KCNH6: variants seen among roughly 807,000 people sequenced by gnomAD.
KCNH6 encodes voltage-gated inwardly rectifying potassium channel KCNH6.
In KCNH6, 81 loss-of-function variants were observed where a neutral mutation model predicts 83.4. The ratio of observed to expected loss-of-function variants is 0.97; its 90% CI spans 0.81 to 1.17. The LOEUF (loss-of-function observed/expected upper bound fraction) is 1.17. Ranked by LOEUF, KCNH6 falls within the 50% of genes most tolerant of loss-of-function variation. KCNH6 has a pLI of 0.00. For synonymous variants in KCNH6, 503 were observed against 545.6 expected (o/e 0.92, Z 1.09); for missense variants, 1,203 against 1,290.5 (o/e 0.93, Z 1.04).
downstream of KCNH6, among the ~76,000 whole-genome samples, chr17:63,548,137 G>T (rs1240643031): frequency 3.3e-5 from 5 of 152,002 alleles, no homozygotes; most frequent in Non-Finnish European, 5.9e-5. Context: ...GTGGTGGCAG[G>T]TGCCTGTAGT....
At chr17:63,545,418 T>C (rs1381174791) in intron 12 of KCNH6, among the ~76,000 whole-genome samples, 154 bp downstream of exon 12, 1 of 152,228 alleles carries the variant, frequency 6.6e-6, no homozygotes, top group Non-Finnish European at 1.5e-5. Context: ...AGAGTCATGA[T>C]AGGGTTAGCC....
chr17:63,537,815 C>A (rs2032593660), intron 6 of KCNH6, among the ~76,000 whole-genome samples: 1 of 152,212 alleles, frequency 6.6e-6, no homozygotes, highest in Non-Finnish European at 1.5e-5. Context: ...TGCCTTCCTT[C>A]TTTCTTCTCG....
Position 63,534,386 on chromosome 17 carries a change from G to A in KCNH6, c.1101+75G>A. ...GGCCTCAAGCCCTCCCTGCTGCACA[G>A]CACTGGGTGCGGAGAGTATCTGGCA... On this transcript the variant is annotated intron_variant, in intron 5 of 12. Transcript: ENST00000314672. The surrounding 1 kb of genome is among the most constrained non-coding windows in gnomAD (Gnocchi z 5.0). 4 of 1,411,282 alleles carry A rather than the reference G, an allele frequency of 2.8e-6. No homozygotes were observed. The highest frequency in any genetic ancestry group is 2.3e-5 in the East Asian group (1 of 43,716). 87.4% of individuals were successfully genotyped at this position (1,411,282 alleles called of 1,614,324 possible). A position where few individuals can be genotyped will look rare whatever the true frequency, so the allele number is the denominator to read the frequency against.
chr17:63,544,469 C>T, intron 11 of KCNH6, 58 bp downstream of exon 11: 1 of 1,404,622 alleles, frequency 7.1e-7, no homozygotes. Context: ...CCTAGTGGCT[C>T]AGACACATCA....
intron 12 of KCNH6, 136 bp from the exon 13 acceptor site, chr17:63,545,473 C>A (rs1317850206): frequency 3.0e-6 from 3 of 1,013,430 alleles, no homozygotes; most frequent in Non-Finnish European, 4.3e-6. Flanking sequence ...CCAGAGCCTG[C>A]AGCTGGGGCC....
chr17:63,535,662 C>A lies in KCNH6; in HGVS notation c.1102-7C>A. ...CCAGCCCTGTGACCATTTCCCTACC[C>A]CTCCAGACCACAACCCTGATTGGGC... On this transcript the variant is annotated splice_polypyrimidine_tract_variant and splice_region_variant and intron_variant, in intron 5 of 12. Transcript: ENST00000314672. This position sits in a 1 kb window ranked among gnomAD's most constrained non-coding sequence, Gnocchi z 4.9. 1.3e-6 allele frequency: 2 copies of A among 1,590,908 alleles called. No individual in the cohort carries two copies. The highest frequency in any genetic ancestry group is 8.6e-7 in the Non-Finnish European group (1 of 1,165,118).
rs2032243133 is a variant in KCNH6, at chr17:63,533,281, T to C, written c.676-605T>C. ...CCTTGGAGATGTGGGGAGGAGTCAGTTTTCCTTGGTGCCCAGGACCCGTTG... is the reference window on the plus strand; with the variant it reads ...CCTTGGAGATGTGGGGAGGAGTCAGCTTTCCTTGGTGCCCAGGACCCGTTG... On this transcript the variant is annotated intron_variant, in intron 4 of 12. Coordinates refer to ENST00000314672, the MANE Select transcript of KCNH6 (RefSeq NM_001278919.2). The surrounding 1 kb of genome is among the most constrained non-coding windows in gnomAD (Gnocchi z 4.1). 6.6e-6 allele frequency among the ~76,000 whole-genome samples: 1 copy of C among 151,980 alleles called. No individual in the cohort carries two copies. Among genetic ancestry groups the C allele is most frequent in the Non-Finnish European group, 1.5e-5 (1 of 67,954 alleles).
rs541796870 is a variant in KCNH6, at chr17:63,545,893, G to C, written c.2868G>C (p.Trp956Cys). Residue 956 changes from tryptophan to cysteine, a missense_variant, in exon 13 of 13, where the codon TGG (tryptophan) becomes TGC (cysteine). By Grantham distance (215) the Trp-to-Cys change is radical. Transcript: ENST00000314672. ...CAGATCCTGGATTTGCAGGGAGTTGGGGCCACTGAACTCCAAGATAAAGAC... is the reference window on the plus strand; with the variant it reads ...CAGATCCTGGATTTGCAGGGAGTTGCGGCCACTGAACTCCAAGATAAAGAC... ...HGSDPGFAGSWGH is the reference protein window; with the variant it reads ...HGSDPGFAGSCGH 46 of 1,613,710 alleles carry C rather than the reference G, an allele frequency of 2.9e-5. No homozygotes were observed. In the South Asian group the frequency reaches 4.8e-4, roughly 17 times the overall value.
chr17:63,524,456 C>A, intron 2 of KCNH6, 87 bp downstream of exon 2: 2 of 1,149,798 alleles, frequency 1.7e-6, no homozygotes, highest in Non-Finnish European at 2.6e-6. Context: ...AAGGCACTGA[C>A]CCAGGGTCCA....
In KCNH6 at chr17:63,534,040, CA is replaced by C. The variant is rs1443576448; in HGVS notation, c.831del (p.Ala278ProfsTer82). The part of the protein sequence containing the change: ...VIYTAVFTPY[S>X]AAFLLSDQDE... ...TACACGGCTGTCTTCACGCCCTACT[CA>C]GCCGCCTTCCTGCTCAGCGATCAGG... is the stretch of plus-strand genomic sequence containing the variant. On this transcript the variant is annotated frameshift_variant, in exon 5 of 13. Coordinates refer to ENST00000314672, the MANE Select transcript of KCNH6 (RefSeq NM_001278919.2). LOFTEE classifies it high-confidence loss of function. This position sits in a 1 kb window ranked among gnomAD's most constrained non-coding sequence, Gnocchi z 5.0. The C allele has an allele frequency of 2.5e-6, 4 of 1,614,088 alleles. No homozygotes were observed. The African/African-American group carries it at 4.0e-5, about 16-fold the overall frequency.
rs1170094065 is a variant in KCNH6 at position 63,533,132 on chromosome 17, C to T, written c.676-754C>T. Among the ~76,000 whole-genome samples, 1 of 150,798 alleles carries T rather than the reference C, an allele frequency of 6.6e-6. No homozygotes were observed. The highest frequency in any genetic ancestry group is 1.5e-5 in the Non-Finnish European group (1 of 67,766). ...CCTGGCTGTCTCTCATGTTGGGCAG[C>T]TGGGCAGAGCCAGGGCATGTTGTGC... is the stretch of plus-strand genomic sequence containing the variant. On this transcript the variant is annotated intron_variant, in intron 4 of 12. Coordinates refer to ENST00000314672, the MANE Select transcript of KCNH6 (RefSeq NM_001278919.2). The surrounding 1 kb of genome is among the most constrained non-coding windows in gnomAD (Gnocchi z 4.1).
rs915731883 is a variant in KCNH6 at position 63,533,151 on chromosome 17, G to A, written c.676-735G>A. On this transcript the variant is annotated intron_variant, in intron 4 of 12. Transcript: ENST00000314672. The surrounding 1 kb of genome is among the most constrained non-coding windows in gnomAD (Gnocchi z 4.1). ...GGGCAGCTGGGCAGAGCCAGGGCAT[G>A]TTGTGCTGGGACCTAGAGATCCTGG... Among the ~76,000 whole-genome samples the A allele has an allele frequency of 1.3e-5, 2 of 151,784 alleles. No homozygotes were observed. Among genetic ancestry groups the A allele is most frequent in the Non-Finnish European group, 2.9e-5 (2 of 67,932 alleles).
chr17:63,536,141 T>C (rs1414866440), intron 6 of KCNH6, 73 bp downstream of exon 6: 15 of 1,333,392 alleles, frequency 1.1e-5, no homozygotes, highest in Non-Finnish European at 1.6e-5. Context: ...TGTAGTTTTG[T>C]ACTGAGATAG....
rs536235388 is a variant in KCNH6, at chr17:63,524,228, C to T, written c.166C>T (p.Arg56Ter). 11 of 1,614,168 alleles carry T rather than the reference C, an allele frequency of 6.8e-6. No individual in the cohort carries two copies. The highest frequency in any genetic ancestry group is 2.7e-5 in the African/African-American group (2 of 75,062). Residue 56 changes from arginine (R) to a stop codon, truncating the protein, a stop_gained, in exon 2 of 13, where the codon CGA becomes TGA. Transcript: ENST00000314672. LOFTEE classifies it high-confidence loss of function. Reference sequence around the variant, plus strand: ...CTTCTGCGAACTCTTCGGCTACTCCCGAGTGGAGGTGATGCAGCAACCCTG... The same window carrying T: ...CTTCTGCGAACTCTTCGGCTACTCCTGAGTGGAGGTGATGCAGCAACCCTG... ...DGFCELFGYS[R>*]VEVMQQPCTC...
At chr17:63,530,654 G>A (rs2032045362) in intron 4 of KCNH6, 112 bp downstream of exon 4, 2 of 917,432 alleles carry the variant, frequency 2.2e-6, no homozygotes, top group Non-Finnish European at 3.3e-6. Flanking sequence ...GATCCTGCCT[G>A]TCCAGCCTCT....
downstream of KCNH6, chr17:63,548,989 A>T (rs2033199844): frequency 1.3e-5 from 2 of 152,046 alleles, no homozygotes; most frequent in African/African-American, 4.8e-5. Context: ...AAAAAAAAAG[A>T]GGATTTCTTG....
chr17:63,542,653 T>G (rs2032933128), intron 9 of KCNH6, among the ~76,000 whole-genome samples: 2 of 152,240 alleles, frequency 1.3e-5, no homozygotes, highest in African/African-American at 4.8e-5. Flanking sequence ...TTTTACATGA[T>G]CTTCTTGCAA....
In KCNH6 at chr17:63,544,354, A is replaced by G; in HGVS notation, c.2339A>G (p.Asp780Gly). The change falls in exon 11 of 13, where the codon GAT (aspartate) becomes GGT (glycine). Residue 780 changes from aspartate (D) to glycine (G), a missense_variant. By Grantham distance (94) the Asp-to-Gly change is moderately conservative. Transcript: ENST00000314672. ...HSPQSPQEDP[D>G]CWPLKLGSRL... ...CCCCAAAGCCCTCAGGAAGACCCAG[A>G]TTGCTGGCCTCTGAAGCTGGGCTCC... The G allele has an allele frequency of 6.2e-7, 1 of 1,611,426 alleles. No homozygotes were observed. The highest frequency in any genetic ancestry group is 8.5e-7 in the Non-Finnish European group (1 of 1,178,816).
In KCNH6 at chr17:63,538,015, G is replaced by T. The variant is rs1486331775; in HGVS notation, c.1502-50G>T. 1 of 1,568,214 alleles carries T rather than the reference G, an allele frequency of 6.4e-7. No individual in the cohort carries two copies. Among genetic ancestry groups the T allele is most frequent in the South Asian group, 1.1e-5 (1 of 88,874 alleles). ...GGAAGACCTGGGTAAGCCCTTGGTG[G>T]TGTGGCCCAGTGGGGCCGCGGAGGA... is the stretch of plus-strand genomic sequence containing the variant. On this transcript the variant is annotated intron_variant, in intron 6 of 12. Coordinates refer to ENST00000314672, the MANE Select transcript of KCNH6 (RefSeq NM_001278919.2). The surrounding 1 kb of genome is among the most constrained non-coding windows in gnomAD (Gnocchi z 4.0).
Sources: allele counts gnomAD v4.1 joint callset (sites outside exome capture counted in the v4.1 genomes callset), GRCh38; gene constraint gnomAD v4.1.1; non-coding constraint Gnocchi (gnomAD v3.1); transcripts MANE v1.5; gene names NCBI Gene and HGNC (gene_info 2026-07-23, HGNC 2026-07-21).